PTPRG: variants seen among roughly 807,000 people sequenced by gnomAD.
PTPRG encodes the protein protein tyrosine phosphatase receptor type G.
In PTPRG, 102 loss-of-function variants were observed where a neutral mutation model predicts 165.3. The observed-to-expected ratio is 0.62, with a 90% CI of 0.53 to 0.73. The LOEUF is 0.73. Among genes scored for constraint, PTPRG ranks in the 30% least tolerant of loss-of-function variants. The pLI is 0.00. For missense variants in PTPRG, 1,866 were observed against 1,861.4 expected (o/e 1.00, Z -0.05); for synonymous variants, 675 against 669.5 (o/e 1.01, Z -0.13).
chr3:62,228,180 G>A lies in PTPRG; in HGVS notation c.2289-3045G>A, dbSNP rs1238894382. On this transcript the variant is annotated intron_variant, in intron 13 of 29. Transcript: ENST00000474889. The surrounding 1 kb of genome is among the most constrained non-coding windows in gnomAD (Gnocchi z 4.1). ...TTAGGTGAGAAGGAGAGGGAGCCAA[G>A]AAGGATTTCTCGGAGGAGAGAATGT... Among the ~76,000 whole-genome samples, 4 of 152,136 alleles carry A rather than the reference G, an allele frequency of 2.6e-5. No homozygotes were observed. Among genetic ancestry groups the A allele is most frequent in the African/African-American group, 9.7e-5 (4 of 41,434 alleles).
At chr3:62,201,865 A>G (rs1157056882) in intron 11 of PTPRG, among the ~76,000 whole-genome samples, 2 of 152,196 alleles carry the variant, frequency 1.3e-5, no homozygotes, top group Non-Finnish European at 2.9e-5. Context: ...CTTTCATTTG[A>G]CATATACTCA....
At chr3:62,290,642 C>T (rs1702851602) in intron 28 of PTPRG, among the ~76,000 whole-genome samples, 1 of 151,960 alleles carries the variant, frequency 6.6e-6, no homozygotes, top group African/African-American at 2.4e-5. Flanking sequence ...GAATGTAGTA[C>T]ATGATAAAAA....
rs186169672 is a variant in PTPRG, at chr3:62,210,776, C to T, written c.2155+6826C>T. Among the ~76,000 whole-genome samples the T allele has an allele frequency of 1.6e-3, 242 of 152,150 alleles. No individual in the cohort carries two copies. The highest frequency in any genetic ancestry group is 3.1e-3 in the Non-Finnish European group (210 of 68,020). On this transcript the variant is annotated intron_variant, in intron 12 of 29. Transcript: ENST00000474889. This position sits in a 1 kb window ranked among gnomAD's most constrained non-coding sequence, Gnocchi z 4.1. ...TAGTAAATATAAATATGTTTTCTTC[C>T]TTAGGATTTTCTTTATAACATTTTT...
chr3:61,978,599 T>C (rs1575844247), intron 2 of PTPRG, among the ~76,000 whole-genome samples: 2 of 152,360 alleles, frequency 1.3e-5, no homozygotes, highest in South Asian at 4.1e-4. Flanking sequence ...TAAACATATG[T>C]ATTAAGTTGC....
chr3:62,194,739 G>C (rs1315071823), intron 9 of PTPRG, among the ~76,000 whole-genome samples: 1 of 152,058 alleles, frequency 6.6e-6, no homozygotes, highest in African/African-American at 2.4e-5. Context: ...GGAGACGGAA[G>C]TTGCAGCGAG....
Position 62,150,333 on chromosome 3 carries a change from A to T in PTPRG, c.683-6734A>T, listed in dbSNP as rs1299570519. Among the ~76,000 whole-genome samples, 3 of 152,236 alleles carry T rather than the reference A, an allele frequency of 2.0e-5. No individual in the cohort carries two copies. In the South Asian group the frequency reaches 6.2e-4, roughly 31 times the overall value. ...AGAAAGTGGAAGTGAATGAGGCTGC[A>T]CAGGATGTAGGAACCCTTTGATACA... On this transcript the variant is annotated intron_variant, in intron 6 of 29. Coordinates refer to ENST00000474889, the MANE Select transcript of PTPRG (RefSeq NM_002841.4).
intron 6 of PTPRG, among the ~76,000 whole-genome samples, chr3:62,148,994 A>T (rs925628866): frequency 2.6e-5 from 4 of 152,062 alleles, no homozygotes; most frequent in Non-Finnish European, 4.4e-5. Context: ...AAGACAAAAA[A>T]CTAGTGTCTT....
chr3:62,096,371 G>A (rs1374887557), intron 5 of PTPRG, among the ~76,000 whole-genome samples: 3 of 152,158 alleles, frequency 2.0e-5, no homozygotes, highest in African/African-American at 2.4e-5. Flanking sequence ...TTTGATACTG[G>A]CAATTTTTCT....
intron 2 of PTPRG, among the ~76,000 whole-genome samples, chr3:61,860,434 CTTTT>C (rs766688465): frequency 0.024 from 2,249 of 95,506 alleles, 11 homozygotes; most frequent in Middle Eastern, 0.069. Flanking sequence ...GTTTTTGTTC[CTTTT>C]TTTTTTTTTT....
chr3:61,856,685 G>T (rs562385628), intron 2 of PTPRG, among the ~76,000 whole-genome samples: 1 of 152,192 alleles, frequency 6.6e-6, no homozygotes, highest in Non-Finnish European at 1.5e-5. Context: ...CATGTCTCCA[G>T]GTCATTAACA....
rs778994257 is a variant in PTPRG at position 62,281,537 on chromosome 3, G to GTTTTTTTTTT, written c.3766-26_3766-25insTTTTTTTTTT. The GTTTTTTTTTT allele has an allele frequency of 6.9e-5, 12 of 175,036 alleles. 2 individuals carry two copies. Among genetic ancestry groups the GTTTTTTTTTT allele is most frequent in the East Asian group, 8.7e-4 (2 of 2,308 alleles). The allele number at this position is 175,036 out of a possible 1,614,324, so 10.8% of individuals were successfully genotyped here. ...ACAAATCCTTGACAGAACTGCAGAG[G>GTTTTTTTTTT]CTTTTTTTTTTTTTGGATTCCAAAG... On this transcript the variant is annotated intron_variant, in intron 26 of 29. Transcript: ENST00000474889.
At chr3:62,098,888 G>C (rs1222810232) in intron 5 of PTPRG, among the ~76,000 whole-genome samples, 1 of 152,182 alleles carries the variant, frequency 6.6e-6, no homozygotes, top group African/African-American at 2.4e-5. Context: ...AAGGGTTGTG[G>C]TCACAGAATA....
At chr3:61,687,912 TG>T (rs1199752648) in intron 1 of PTPRG, among the ~76,000 whole-genome samples, 4 of 152,214 alleles carry the variant, frequency 2.6e-5, no homozygotes, top group African/African-American at 4.8e-5. Context: ...TTTAATCACA[TG>T]CCATTATGTT....
intron 2 of PTPRG, among the ~76,000 whole-genome samples, chr3:61,793,466 A>G (rs2034952232): frequency 6.6e-6 from 1 of 152,218 alleles, no homozygotes; most frequent in Non-Finnish European, 1.5e-5. Flanking sequence ...CCTGGCCTAG[A>G]AGGTAGAAAG....
chr3:62,212,114 CAGAG>C (rs1700373076), intron 12 of PTPRG, among the ~76,000 whole-genome samples: 1 of 152,214 alleles, frequency 6.6e-6, no homozygotes, highest in African/African-American at 2.4e-5. Context: ...TGCATACGCT[CAGAG>C]AGGGTTCGTT....
At chr3:61,627,017 C>A (rs1701628838) in intron 1 of PTPRG, among the ~76,000 whole-genome samples, 1 of 152,090 alleles carries the variant, frequency 6.6e-6, no homozygotes, top group South Asian at 2.1e-4. Context: ...CAGAGAAAAG[C>A]CTTTGGATTA....
At chr3:62,143,231 C>T (rs1046745509) in intron 6 of PTPRG, among the ~76,000 whole-genome samples, 4 of 152,128 alleles carry the variant, frequency 2.6e-5, no homozygotes, top group East Asian at 3.9e-4. Context: ...TCCAAAAGCT[C>T]GAAATAAGCC....
chr3:61,694,029 G>A (rs200120607), intron 1 of PTPRG, among the ~76,000 whole-genome samples: 11 of 125,710 alleles, frequency 8.8e-5, no homozygotes, highest in African/African-American at 2.9e-4. Context: ...AAAAAAAAGA[G>A]AGAGAGAGAG....
At chr3:61,839,071 T>C (rs889790079) in intron 2 of PTPRG, among the ~76,000 whole-genome samples, 3 of 152,206 alleles carry the variant, frequency 2.0e-5, no homozygotes, top group African/African-American at 7.2e-5. Context: ...AGAAAAATTT[T>C]AATATTGTAA....
Sources: allele counts gnomAD v4.1 joint callset (sites outside exome capture counted in the v4.1 genomes callset), GRCh38; gene constraint gnomAD v4.1.1; non-coding constraint Gnocchi (gnomAD v3.1); transcripts MANE v1.5; gene names NCBI Gene and HGNC (gene_info 2026-07-23, HGNC 2026-07-21).